Variants in CLSTN2 observed in about 807,000 individuals in gnomAD.
CLSTN2 encodes the protein calsyntenin 2.
A neutral mutation model predicts 101.2 loss-of-function variants in CLSTN2; 48 were observed. That is an observed-to-expected ratio of 0.47 (90% CI 0.38 to 0.60). The LOEUF is 0.60. Among genes scored for constraint, CLSTN2 ranks in the 20% least tolerant of loss-of-function variants. The probability of loss-of-function intolerance (pLI) is 0.00; values close to 1 mark genes in which losing one functional copy is unlikely to be tolerated. For missense variants in CLSTN2, 1,160 were observed against 1,238.2 expected (o/e 0.94, Z 0.95); for synonymous variants, 481 against 463.6 (o/e 1.04, Z -0.48).
chr3:140,443,419 G>T (rs1025334930), intron 5 of CLSTN2, among the ~76,000 whole-genome samples: 2 of 152,192 alleles, frequency 1.3e-5, no homozygotes, highest in Non-Finnish European at 2.9e-5. Flanking sequence ...CTTCCAAGTG[G>T]TTAATGTTCT....
chr3:140,295,600 T>A (rs946611723), intron 2 of CLSTN2, among the ~76,000 whole-genome samples: 5 of 152,180 alleles, frequency 3.3e-5, no homozygotes. Context: ...TGCCCCAAGT[T>A]TTTTTTATTT....
intron 2 of CLSTN2, among the ~76,000 whole-genome samples, chr3:140,344,449 G>A (rs2087522504): frequency 6.6e-6 from 1 of 152,184 alleles, no homozygotes; most frequent in Non-Finnish European, 1.5e-5. Context: ...CAGGAGGCAG[G>A]AGGAGAGTGT....
intron 8 of CLSTN2, among the ~76,000 whole-genome samples, chr3:140,525,711 T>C (rs1935122803): frequency 6.6e-6 from 1 of 152,122 alleles, no homozygotes; most frequent in Non-Finnish European, 1.5e-5. Context: ...CAGCAGCACA[T>C]CACAAAGTTA....
chr3:140,261,937 C>A (rs951283180), intron 2 of CLSTN2, among the ~76,000 whole-genome samples: 1 of 152,074 alleles, frequency 6.6e-6, no homozygotes, highest in African/African-American at 2.4e-5. Flanking sequence ...CTTGATCTGC[C>A]AGTTATCATT....
chr3:140,141,141 A>G (rs778267969), intron 1 of CLSTN2, among the ~76,000 whole-genome samples: 46 of 152,288 alleles, frequency 3.0e-4, no homozygotes, highest in Non-Finnish European at 5.6e-4. Context: ...GAGGTATTCT[A>G]TGTTCTACCC....
intron 8 of CLSTN2, among the ~76,000 whole-genome samples, chr3:140,483,250 G>C (rs937697434): frequency 4.6e-5 from 7 of 152,186 alleles, no homozygotes; most frequent in South Asian, 2.1e-4. Context: ...TAGTTGAGCG[G>C]TTTTGAGTGC....
At chr3:140,143,284 T>C (rs899180306) in intron 1 of CLSTN2, among the ~76,000 whole-genome samples, 4 of 152,276 alleles carry the variant, frequency 2.6e-5, no homozygotes, top group African/African-American at 9.6e-5. Flanking sequence ...CAACATGCCA[T>C]CTGCAAGCTG....
chr3:140,486,129 G>T (rs1163983761), intron 8 of CLSTN2, among the ~76,000 whole-genome samples: 1 of 151,686 alleles, frequency 6.6e-6, no homozygotes, highest in Non-Finnish European at 1.5e-5. Flanking sequence ...CAGAGAAAAA[G>T]ACACATTACA....
At chr3:140,411,313 T>C (rs1161766980) in intron 4 of CLSTN2, among the ~76,000 whole-genome samples, 2 of 151,988 alleles carry the variant, frequency 1.3e-5, no homozygotes, top group Non-Finnish European at 2.9e-5. Flanking sequence ...AGTCAAAAAC[T>C]GCAAAAAGAG....
In CLSTN2 at chr3:140,568,435, G is replaced by C. The variant is rs1046241431; in HGVS notation, c.*2182G>C. 1 of 152,110 alleles carries C rather than the reference G, an allele frequency of 6.6e-6. No homozygotes were observed. The highest frequency in any genetic ancestry group is 1.5e-5 in the Non-Finnish European group (1 of 68,012). The allele number at this position is 152,110 out of a possible 1,614,324, so 9.4% of individuals were successfully genotyped here. ...AAGAAGCTGGGGTTTTATATTCATT[G>C]GATGGAAACAGATATTTCTCCTGGG... On this transcript the variant is annotated 3_prime_UTR_variant, in exon 17 of 17. Coordinates refer to ENST00000458420, the MANE Select transcript of CLSTN2 (RefSeq NM_022131.3).
chr3:140,401,997 T>C (rs1311025204), intron 2 of CLSTN2, among the ~76,000 whole-genome samples: 1 of 151,956 alleles, frequency 6.6e-6, no homozygotes, highest in Non-Finnish European at 1.5e-5. Flanking sequence ...ATTCCACAAG[T>C]ACATTGAGAA....
At chr3:140,508,722 C>A (rs1934733604) in intron 8 of CLSTN2, 1 of 151,318 alleles carries the variant, frequency 6.6e-6, no homozygotes, top group Admixed American at 6.6e-5. Flanking sequence ...GCACTTACAA[C>A]CGACAACAGG....
intron 2 of CLSTN2, among the ~76,000 whole-genome samples, chr3:140,396,276 G>GA (rs919872712): frequency 1.3e-5 from 2 of 152,124 alleles, no homozygotes; most frequent in Non-Finnish European, 2.9e-5. Flanking sequence ...GTCATTCAGA[G>GA]AAAAAAATGT....
intron 1 of CLSTN2, among the ~76,000 whole-genome samples, chr3:140,035,465 G>A (rs951973495): frequency 6.6e-6 from 1 of 152,200 alleles, no homozygotes; most frequent in Non-Finnish European, 1.5e-5. Context: ...GAGCACAAAA[G>A]GCAAAAGAGC....
intron 2 of CLSTN2, among the ~76,000 whole-genome samples, chr3:140,249,162 C>G (rs2086541127): frequency 6.6e-6 from 1 of 152,140 alleles, no homozygotes; most frequent in Non-Finnish European, 1.5e-5. Flanking sequence ...ACAAGTCAGG[C>G]CCTACCAGTG....
chr3:140,198,085 A>G (rs551977935), intron 2 of CLSTN2, among the ~76,000 whole-genome samples: 6 of 152,356 alleles, frequency 3.9e-5, no homozygotes, highest in African/African-American at 1.4e-4. Flanking sequence ...GAAGGCATCA[A>G]TAAATACATA....
chr3:140,541,288 A>G (rs771948150), intron 9 of CLSTN2, among the ~76,000 whole-genome samples: 1 of 152,258 alleles, frequency 6.6e-6, no homozygotes, highest in African/African-American at 2.4e-5. Flanking sequence ...AAGAATCTCA[A>G]TACACAAATT....
At chr3:140,441,611 C>T (rs1001591543) in intron 5 of CLSTN2, among the ~76,000 whole-genome samples, 4 of 152,150 alleles carry the variant, frequency 2.6e-5, no homozygotes, top group African/African-American at 9.7e-5. Context: ...GGCATCTGAC[C>T]CCTCACTTTC....
intron 8 of CLSTN2, among the ~76,000 whole-genome samples, chr3:140,476,411 G>A (rs1933984882): frequency 6.6e-6 from 1 of 152,188 alleles, no homozygotes; most frequent in Non-Finnish European, 1.5e-5. Context: ...AAGAGTGGAA[G>A]ACATAGCAAG....
Sources: gnomAD v4.1 joint callset for allele counts (sites outside exome capture counted in the v4.1 genomes callset) on GRCh38, gnomAD v4.1.1 for gene constraint, MANE v1.5 for transcripts, NCBI Gene and HGNC (gene_info 2026-07-23, HGNC 2026-07-21) for gene names.